The following NFIA variants were observed in gnomAD, a reference collection of about 807,000 sequenced individuals.
The protein encoded by NFIA is nuclear factor 1 A-type.
A neutral mutation model predicts 62.8 loss-of-function variants in NFIA; 8 were observed. The observed-to-expected ratio is 0.13, with a 90% CI of 0.07 to 0.23. The LOEUF is 0.23. Ranked by LOEUF, NFIA falls within the 10% of genes least tolerant of loss-of-function variation. The pLI is 1.00. For synonymous variants in NFIA, 235 were observed against 238.1 expected (o/e 0.99, Z 0.12); for missense variants, 410 against 642.1 (o/e 0.64, Z 3.91).
In NFIA at chr1:61,121,956, G is replaced by GA. The variant is rs1286600932; in HGVS notation, c.559+33284dup. ...AGGCTGGAGCTACCTTCCCTGACAA[G>GA]AAAAAAAATCCAAGCAAATACATAC... On this transcript the variant is annotated intron_variant, in intron 2 of 10. Transcript: ENST00000403491. Among the ~76,000 whole-genome samples, 6 of 151,744 alleles carry GA rather than the reference G, an allele frequency of 4.0e-5. No homozygotes were observed. The South Asian group carries it at 8.3e-4, about 21-fold the overall frequency.
At chr1:61,319,833 A>C (rs865838266) in intron 3 of NFIA, among the ~76,000 whole-genome samples, 1 of 129,218 alleles carries the variant, frequency 7.7e-6, no homozygotes, top group Non-Finnish European at 1.7e-5. Flanking sequence ...ACACACACAC[A>C]CACCAACTTT....
rs1664515657 is a variant in NFIA at position 61,383,321 on chromosome 1, C to T, written c.1031C>T (p.Thr344Met). ...CCTTCACAGACCTCCTCCCTGGGAA[C>T]GGCGTTCACACAGCATCACCGACCT... Reference protein sequence around the residue: ...PSPSQTSSLGTAFTQHHRPVI... With the variant: ...PSPSQTSSLGMAFTQHHRPVI... The change falls in exon 7 of 11, where the codon ACG (threonine) becomes ATG (methionine). Residue 344 changes from threonine (T) to methionine (M), a missense_variant. Physicochemically the swap from Thr to Met is moderately conservative, Grantham distance 81. Coordinates refer to ENST00000403491, the MANE Select transcript of NFIA (RefSeq NM_001134673.4). 1.2e-6 allele frequency: 2 copies of T among 1,613,878 alleles called. No individual in the cohort carries two copies. Among genetic ancestry groups the T allele is most frequent in the African/African-American group, 1.3e-5 (1 of 74,908 alleles).
intron 6 of NFIA, among the ~76,000 whole-genome samples, chr1:61,365,343 C>T (rs1464469037): frequency 6.6e-6 from 1 of 152,176 alleles, no homozygotes; most frequent in Non-Finnish European, 1.5e-5. Context: ...TCTCCCTACT[C>T]AGTACTTGTC....
At chr1:61,337,210 A>G (rs772602970) in intron 4 of NFIA, among the ~76,000 whole-genome samples, 3 of 152,198 alleles carry the variant, frequency 2.0e-5, no homozygotes, top group Non-Finnish European at 4.4e-5. Context: ...CCATTGAATT[A>G]TACTGATCAG....
At chr1:61,133,671 A>G (rs937697069) in intron 2 of NFIA, among the ~76,000 whole-genome samples, 1 of 152,218 alleles carries the variant, frequency 6.6e-6, no homozygotes, top group Non-Finnish European at 1.5e-5. Context: ...CTGAAATCAC[A>G]TAACTTCTTT....
chr1:61,429,585 C>A (rs6587924), intron 10 of NFIA, among the ~76,000 whole-genome samples: 67,311 of 152,058 alleles, frequency 0.44, 15,884 homozygotes, highest in South Asian at 0.59. Flanking sequence ...CCAAAAATGG[C>A]AAGCAAAGTT....
At chr1:61,200,526 G>A (rs968824500) in intron 2 of NFIA, among the ~76,000 whole-genome samples, 2 of 152,054 alleles carry the variant, frequency 1.3e-5, no homozygotes. Flanking sequence ...CTCTTGATTT[G>A]ATCTGCCAGT....
chr1:61,379,812 C>T (rs956581187), intron 6 of NFIA, among the ~76,000 whole-genome samples: 3 of 152,138 alleles, frequency 2.0e-5, no homozygotes, highest in Non-Finnish European at 2.9e-5. Context: ...CTCAGCCTCC[C>T]ACAGTGCTGA....
chr1:61,213,126 C>T (rs992936908), intron 2 of NFIA, among the ~76,000 whole-genome samples: 3 of 152,126 alleles, frequency 2.0e-5, no homozygotes, highest in African/African-American at 7.2e-5. Flanking sequence ...AGTATAACCC[C>T]GAGGGCAACA....
intron 3 of NFIA, among the ~76,000 whole-genome samples, chr1:61,305,670 C>T (rs1222719632): frequency 6.6e-6 from 1 of 152,196 alleles, no homozygotes; most frequent in Non-Finnish European, 1.5e-5. Flanking sequence ...AAGGGAAGAC[C>T]ATCCTGTCTT....
At chr1:61,151,568 A>C (rs1477495706) in intron 2 of NFIA, among the ~76,000 whole-genome samples, 1 of 152,164 alleles carries the variant, frequency 6.6e-6, no homozygotes, top group African/African-American at 2.4e-5. Flanking sequence ...AATGAGATTT[A>C]TGACCCTCTG....
upstream of NFIA, chr1:61,082,522 C>T (rs1646124356): frequency 7.6e-7 from 1 of 1,320,644 alleles, no homozygotes; most frequent in South Asian, 1.8e-5. Context: ...CACCCGCGTA[C>T]AGTAGGCATG....
chr1:61,192,006 C>T (rs1010609330), intron 2 of NFIA, among the ~76,000 whole-genome samples: 6 of 152,008 alleles, frequency 3.9e-5, no homozygotes, highest in Admixed American at 1.3e-4. Flanking sequence ...GGTGCCCAGG[C>T]TGGATTGCAG....
intron 6 of NFIA, among the ~76,000 whole-genome samples, chr1:61,370,856 G>A (rs547810581): frequency 2.6e-5 from 4 of 152,292 alleles, no homozygotes; most frequent in Non-Finnish European, 4.4e-5. Flanking sequence ...TACTTTGTAT[G>A]TAATGAGAGG....
chr1:61,359,381 C>A, intron 6 of NFIA, 107 bp downstream of exon 6: 1 of 1,504,856 alleles, frequency 6.6e-7, no homozygotes, highest in Non-Finnish European at 9.0e-7. Flanking sequence ...CAAGGTAGTT[C>A]ACTTTTTCAG....
At chr1:61,097,229 G>A (rs1195494324) in intron 2 of NFIA, among the ~76,000 whole-genome samples, 2 of 152,032 alleles carry the variant, frequency 1.3e-5, no homozygotes, top group East Asian at 3.9e-4. Context: ...TATATCTCTG[G>A]TAAGTGCTTA....
intron 2 of NFIA, among the ~76,000 whole-genome samples, chr1:61,150,985 C>A (rs1648358938): frequency 6.6e-6 from 1 of 152,074 alleles, no homozygotes; most frequent in African/African-American, 2.4e-5. Flanking sequence ...TGTAGTATGC[C>A]ATGGGACTGA....
chr1:61,304,225 A>G (rs1659637551), intron 3 of NFIA, among the ~76,000 whole-genome samples: 1 of 151,912 alleles, frequency 6.6e-6, no homozygotes. Flanking sequence ...GCAGTGAGCC[A>G]AGATCACGCC....
chr1:61,439,508 G>C (rs1195635066), intron 10 of NFIA: 2 of 152,172 alleles, frequency 1.3e-5, no homozygotes, highest in Non-Finnish European at 2.9e-5. Context: ...CGATGGTGTG[G>C]ACCTGAGCAG....
Sources: gnomAD v4.1 joint callset for allele counts (sites outside exome capture counted in the v4.1 genomes callset) on GRCh38, gnomAD v4.1.1 for gene constraint, MANE v1.5 for transcripts, NCBI Gene and HGNC (gene_info 2026-07-23, HGNC 2026-07-21) for gene names.